CCDC7: variants seen among roughly 807,000 people sequenced by gnomAD.
CCDC7 encodes coiled-coil domain containing 7.
Under a neutral mutation model 196.9 loss-of-function variants are expected in CCDC7, and 183 were observed. The observed-to-expected ratio is 0.93, with a 90% CI of 0.82 to 1.05. The LOEUF (loss-of-function observed/expected upper bound fraction) is 1.05. CCDC7 is among the 50% of genes least tolerant of loss of function. The pLI is 0.00. For missense variants in CCDC7, 1,540 were observed against 1,482.2 expected, an observed-to-expected ratio of 1.04 and a Z score of -0.64; for synonymous variants, 525 against 484.6, an observed-to-expected ratio of 1.08 and a Z score of -1.10.
intron 20 of CCDC7, among the ~76,000 whole-genome samples, chr10:32,639,465 T>C (rs994636584): frequency 1.3e-5 from 2 of 152,226 alleles, no homozygotes; most frequent in Non-Finnish European, 2.9e-5. Flanking sequence ...AAGAACATCT[T>C]TAATTTTGGC....
intron 18 of CCDC7, among the ~76,000 whole-genome samples, chr10:32,613,445 C>G (rs1038539927): frequency 2.0e-5 from 3 of 152,036 alleles, no homozygotes; most frequent in Non-Finnish European, 4.4e-5. Context: ...AATTTCTTGT[C>G]TTCTGCTAGC....
At chr10:32,644,660 C>T (rs1251174837) in intron 20 of CCDC7, among the ~76,000 whole-genome samples, 1 of 152,112 alleles carries the variant, frequency 6.6e-6, no homozygotes, top group African/African-American at 2.4e-5. Context: ...AGGGCGATTT[C>T]CCCCATACTG....
At chr10:32,504,669 T>C (rs1052324059) in intron 9 of CCDC7, among the ~76,000 whole-genome samples, 1 of 152,240 alleles carries the variant, frequency 6.6e-6, no homozygotes, top group Non-Finnish European at 1.5e-5. Flanking sequence ...TGACTCATCA[T>C]TTGTTTAGGA....
chr10:32,640,235 T>A (rs769270184), intron 20 of CCDC7, among the ~76,000 whole-genome samples: 1 of 152,228 alleles, frequency 6.6e-6, no homozygotes, highest in Admixed American at 6.5e-5. Context: ...CTGTATTGGG[T>A]GCATACATAT....
intron 41 of CCDC7, among the ~76,000 whole-genome samples, chr10:32,868,500 T>C (rs1164463584): frequency 6.6e-6 from 1 of 151,998 alleles, no homozygotes; most frequent in Non-Finnish European, 1.5e-5. Context: ...AAGCTCTTTA[T>C]GTGCCAGACA....
upstream of CCDC7, among the ~76,000 whole-genome samples, chr10:32,443,654 T>C (rs188692789): frequency 1.1e-4 from 17 of 152,360 alleles, no homozygotes; most frequent in East Asian, 3.1e-3. Flanking sequence ...ACCCTCTATT[T>C]GTTCCATTTT....
chr10:32,624,333 A>T (rs76802012), intron 18 of CCDC7, among the ~76,000 whole-genome samples: 3,206 of 152,126 alleles, frequency 0.021, 48 homozygotes, highest in Non-Finnish European at 0.028. Flanking sequence ...ATTCTCTCCA[A>T]CCACTTTCCA....
At chr10:32,671,294 A>G (rs148645190) in intron 21 of CCDC7, among the ~76,000 whole-genome samples, 43 of 152,174 alleles carry the variant, frequency 2.8e-4, no homozygotes, top group Non-Finnish European at 5.6e-4. Context: ...TGTTTTTCTA[A>G]TTTTCCTGTT....
chr10:32,492,326 A>G (rs540771600), intron 9 of CCDC7, among the ~76,000 whole-genome samples: 68 of 152,258 alleles, frequency 4.5e-4, no homozygotes, highest in Non-Finnish European at 7.4e-4. Flanking sequence ...TGATCCAGCA[A>G]TTCCACTTCT....
chr10:32,821,129 A>AC (rs1306551683), intron 31 of CCDC7, among the ~76,000 whole-genome samples: 1 of 152,176 alleles, frequency 6.6e-6, no homozygotes, highest in Non-Finnish European at 1.5e-5. Context: ...AGAAAAAACA[A>AC]CCCCATCAAA....
At chr10:32,528,501 G>T (rs2049021476) in intron 11 of CCDC7, among the ~76,000 whole-genome samples, 1 of 151,240 alleles carries the variant, frequency 6.6e-6, no homozygotes, top group African/African-American at 2.4e-5. Context: ...AGAGCATACG[G>T]TGTTTGGTTT....
chr10:32,707,224 T>A (rs1301752501), intron 24 of CCDC7, among the ~76,000 whole-genome samples: 1 of 152,228 alleles, frequency 6.6e-6, no homozygotes, highest in Admixed American at 6.5e-5. Flanking sequence ...AAGAACCACA[T>A]GATTGTGTCA....
intron 18 of CCDC7, among the ~76,000 whole-genome samples, chr10:32,633,696 A>ATATATATATATATG (rs779341941): frequency 1.5e-5 from 2 of 135,160 alleles, no homozygotes; most frequent in African/African-American, 2.8e-5. Context: ...ATATATATAT[A>ATATATATATATATG]TGTGTGTGTG....
rs2091652273 is a variant in CCDC7 at position 32,828,492 on chromosome 10, GAAGAAGAAGAAGAAGAAGAA to G, written c.3268+3889_3268+3908del. On this transcript the variant is annotated intron_variant, in intron 32 of 41. Transcript: ENST00000639629. ...GGAAGAGGAAGAGGAAGAGGAAGAA[GAAGAAGAAGAAGAAGAAGAA>G]GAAGAAGAAGAAGAAGAAGAAGAAG... Among the ~76,000 whole-genome samples the G allele has an allele frequency of 1.2e-3, 111 of 90,008 alleles. 1 individual carries two copies. The highest frequency in any genetic ancestry group is 4.5e-3 in the African/African-American group (103 of 23,048). 59.0% of individuals were successfully genotyped at this position (90,008 alleles called of 152,430 possible). A position where few individuals can be genotyped will look rare whatever the true frequency, so the allele number is the denominator to read the frequency against.
At chr10:32,623,623 A>G (rs12269551) in intron 18 of CCDC7, 59,310 of 449,022 alleles carry the variant, frequency 0.13, 5,099 homozygotes, top group South Asian at 0.26. Flanking sequence ...ACTCTGTCAG[A>G]TACTGCTTTA....
intron 14 of CCDC7, among the ~76,000 whole-genome samples, chr10:32,567,432 A>C (rs1244150152): frequency 6.6e-6 from 1 of 151,768 alleles, no homozygotes; most frequent in Non-Finnish European, 1.5e-5. Context: ...GCCAGGAAAA[A>C]CTCCTGGGTA....
chr10:32,823,762 A>T (rs944683743), intron 31 of CCDC7, among the ~76,000 whole-genome samples: 5 of 152,232 alleles, frequency 3.3e-5, no homozygotes, highest in Non-Finnish European at 7.3e-5. Context: ...ATACCTAGAT[A>T]CTAGTTTCTA....
At chr10:32,849,649 G>A (rs537606833) in intron 39 of CCDC7, among the ~76,000 whole-genome samples, 120 of 143,786 alleles carry the variant, frequency 8.3e-4, no homozygotes, top group Non-Finnish European at 1.4e-3. Context: ...GTTGCAGTGA[G>A]CCGAGATCAC....
chr10:32,668,919 C>G (rs933890932), intron 21 of CCDC7, among the ~76,000 whole-genome samples: 2 of 152,060 alleles, frequency 1.3e-5, no homozygotes, highest in African/African-American at 4.8e-5. Context: ...TTGCCTGGGG[C>G]TGCCAGTGTT....
Sources: allele counts gnomAD v4.1 joint callset (sites outside exome capture counted in the v4.1 genomes callset), GRCh38; gene constraint gnomAD v4.1.1; transcripts MANE v1.5; gene names NCBI Gene and HGNC (gene_info 2026-07-23, HGNC 2026-07-21).